The following THSD7B variants were observed in gnomAD, a reference collection of about 807,000 sequenced individuals.
THSD7B encodes the protein thrombospondin type 1 domain containing 7B.
A neutral mutation model predicts 213.6 loss-of-function variants in THSD7B; 138 were observed. That is an observed-to-expected ratio of 0.65 (90% CI 0.56 to 0.74). The LOEUF is 0.74. Ranked by LOEUF, THSD7B falls within the 30% of genes least tolerant of loss-of-function variation. The pLI is 0.00. For synonymous variants in THSD7B, 742 were observed against 687.0 expected, an observed-to-expected ratio of 1.08 and a Z score of -1.25; for missense variants, 1,931 against 1,991.5, an observed-to-expected ratio of 0.97 and a Z score of 0.58.
intron 12 of THSD7B, among the ~76,000 whole-genome samples, chr2:137,390,221 T>G (rs13414885): frequency 0.23 from 34,720 of 152,064 alleles, 4,112 homozygotes; most frequent in South Asian, 0.27. Flanking sequence ...TCAGTTTCTT[T>G]CATCATTGTT....
chr2:137,143,446 G>T (rs1679632940), intron 5 of THSD7B, among the ~76,000 whole-genome samples: 1 of 152,108 alleles, frequency 6.6e-6, no homozygotes, highest in Admixed American at 6.6e-5. Context: ...AGGGATTTAG[G>T]AGTTCAACAG....
At chr2:137,668,457 A>AAC (rs1324234704) in intron 27 of THSD7B, among the ~76,000 whole-genome samples, 2 of 152,002 alleles carry the variant, frequency 1.3e-5, no homozygotes, top group African/African-American at 2.4e-5. Flanking sequence ...AAAAAAAAAA[A>AAC]ACCATTTTGT....
intron 2 of THSD7B, among the ~76,000 whole-genome samples, chr2:137,008,020 T>A (rs1031253815): frequency 6.6e-6 from 1 of 152,180 alleles, no homozygotes; most frequent in Non-Finnish European, 1.5e-5. Flanking sequence ...CCAGATAAAT[T>A]TGATATGATG....
Position 137,411,654 on chromosome 2 carries a change from C to T in THSD7B, c.2741C>T (p.Pro914Leu). Residue 914 changes from proline to leucine, a missense_variant, in exon 14 of 28, where the codon CCT (proline) becomes CTT (leucine). Coordinates refer to ENST00000409968, the MANE Select transcript of THSD7B (RefSeq NM_001316349.2). The part of the protein sequence containing the change: ...KEKCQDSDLY[P>L]LVETELCPCD... The stretch of plus-strand genomic sequence containing the variant: ...AAATGCCAGGATTCTGACCTTTACC[C>T]TCTAGTGGAGACAGAACTATGTCCT... 1 of 1,613,984 alleles carries T rather than the reference C, an allele frequency of 6.2e-7. No individual in the cohort carries two copies. Among genetic ancestry groups the T allele is most frequent in the Non-Finnish European group, 8.5e-7 (1 of 1,179,878 alleles).
chr2:136,809,407 G>A (rs1027454249), intron 1 of THSD7B, among the ~76,000 whole-genome samples: 2 of 152,170 alleles, frequency 1.3e-5, no homozygotes, highest in Non-Finnish European at 2.9e-5. Context: ...AAGTGAAGAT[G>A]GTAGGACATG....
chr2:136,868,475 T>A (rs139814062), intron 1 of THSD7B, among the ~76,000 whole-genome samples: 1 of 152,334 alleles, frequency 6.6e-6, no homozygotes, highest in Non-Finnish European at 1.5e-5. Flanking sequence ...TAATGTCAAC[T>A]GTAGATACAT....
chr2:136,766,730 T>A (rs769341751), intron 1 of THSD7B, among the ~76,000 whole-genome samples: 28 of 152,164 alleles, frequency 1.8e-4, no homozygotes, highest in Non-Finnish European at 3.5e-4. Context: ...ACAGTCAAGG[T>A]GAAGTTCCAC....
At chr2:137,377,873 C>G (rs1254141518) in intron 12 of THSD7B, among the ~76,000 whole-genome samples, 2 of 152,108 alleles carry the variant, frequency 1.3e-5, no homozygotes, top group African/African-American at 2.4e-5. Context: ...GATCCACCCG[C>G]CTCAGCCTCC....
intron 14 of THSD7B, among the ~76,000 whole-genome samples, chr2:137,414,196 T>A (rs1478315728): frequency 6.6e-6 from 1 of 152,180 alleles, no homozygotes; most frequent in Non-Finnish European, 1.5e-5. Context: ...ATGAAAATCA[T>A]GCTTTAATCA....
At chr2:137,284,460 C>A (rs1683118515) in intron 12 of THSD7B, among the ~76,000 whole-genome samples, 1 of 152,010 alleles carries the variant, frequency 6.6e-6, no homozygotes, top group Admixed American at 6.6e-5. Flanking sequence ...TATGTTCGCT[C>A]TTGCTTCTCT....
At chr2:137,527,155 G>A (rs779832369) in intron 15 of THSD7B, among the ~76,000 whole-genome samples, 4 of 152,112 alleles carry the variant, frequency 2.6e-5, no homozygotes, top group Non-Finnish European at 5.9e-5. Flanking sequence ...TTTAAAACAA[G>A]CATTTTAATT....
chr2:137,285,116 A>G (rs1683137543), intron 12 of THSD7B, among the ~76,000 whole-genome samples: 1 of 152,076 alleles, frequency 6.6e-6, no homozygotes, highest in South Asian at 2.1e-4. Flanking sequence ...TAGGATAGTT[A>G]GTTCTTCTTG....
At chr2:137,585,578 G>A (rs562029631) in intron 17 of THSD7B, among the ~76,000 whole-genome samples, 4 of 152,038 alleles carry the variant, frequency 2.6e-5, no homozygotes, top group Non-Finnish European at 5.9e-5. Context: ...CTTTATTTCT[G>A]CCTTCATTTT....
At chr2:137,660,616 C>T (rs1391003145) in intron 25 of THSD7B, among the ~76,000 whole-genome samples, 1 of 152,198 alleles carries the variant, frequency 6.6e-6, no homozygotes, top group Non-Finnish European at 1.5e-5. Flanking sequence ...TTCACCAACT[C>T]TCTGGATGTC....
intron 2 of THSD7B, among the ~76,000 whole-genome samples, chr2:137,017,594 G>A (rs911638304): frequency 1.1e-4 from 16 of 152,096 alleles, no homozygotes; most frequent in Admixed American, 1.0e-3. Flanking sequence ...TGTAGAAACA[G>A]ACTGTCAAGC....
chr2:136,947,370 T>A (rs1684960859), intron 2 of THSD7B, among the ~76,000 whole-genome samples: 1 of 152,184 alleles, frequency 6.6e-6, no homozygotes, highest in African/African-American at 2.4e-5. Flanking sequence ...GCTTAAGGAA[T>A]TAAATTTCAA....
At chr2:137,600,918 G>A (rs1246712483) in intron 17 of THSD7B, among the ~76,000 whole-genome samples, 8 of 151,986 alleles carry the variant, frequency 5.3e-5, no homozygotes, top group Non-Finnish European at 8.8e-5. Context: ...TTGATGATCC[G>A]GACCCTGTGT....
chr2:136,960,152 A>G lies in THSD7B; in HGVS notation c.139+77835A>G, dbSNP rs1275619212. On this transcript the variant is annotated intron_variant, in intron 2 of 27. Transcript: ENST00000409968. ...ATTTTTATTATGATTTTTTGAGACA[A>G]GGTCTCACTCTGTTACCCAGGCTGG... Among the ~76,000 whole-genome samples the G allele has an allele frequency of 2.0e-5, 3 of 151,964 alleles. No homozygotes were observed. The East Asian group carries it at 5.8e-4, about 29-fold the overall frequency.
chr2:136,989,941 A>G (rs945065140), intron 2 of THSD7B, among the ~76,000 whole-genome samples: 1 of 152,200 alleles, frequency 6.6e-6, no homozygotes, highest in East Asian at 1.9e-4. Flanking sequence ...CACACATGTG[A>G]ATTCTTAACT....
Sources: gnomAD v4.1 joint callset for allele counts (sites outside exome capture counted in the v4.1 genomes callset) on GRCh38, gnomAD v4.1.1 for gene constraint, MANE v1.5 for transcripts, NCBI Gene and HGNC (gene_info 2026-07-23, HGNC 2026-07-21) for gene names.